The following ERCC6L2 variants were observed in gnomAD, a reference collection of about 807,000 sequenced individuals.
ERCC6L2 encodes ERCC excision repair 6 like 2.
In ERCC6L2, 77 loss-of-function variants were observed where a neutral mutation model predicts 132.0. That is an observed-to-expected ratio of 0.58 (90% CI 0.49 to 0.71). The LOEUF (loss-of-function observed/expected upper bound fraction) is 0.71. Among genes scored for constraint, ERCC6L2 ranks in the 30% least tolerant of loss-of-function variants. The pLI is 0.00. For synonymous variants in ERCC6L2, 583 were observed against 632.4 expected (o/e 0.92, Z 1.17); for missense variants, 1,542 against 1,837.6 (o/e 0.84, Z 2.94).
At chr9:95,923,026 T>A (rs1433195779) in intron 8 of ERCC6L2, among the ~76,000 whole-genome samples, 1 of 152,210 alleles carries the variant, frequency 6.6e-6, no homozygotes, top group Non-Finnish European at 1.5e-5. Context: ...TTTGGAAATC[T>A]TAAAAAATTG....
Position 95,979,618 on chromosome 9 carries a change from A to G in ERCC6L2, c.3492+1403A>G, listed in dbSNP as rs1832813058. ...AAGGCTATCCTTTCTAGCATTTTTCAGTGTAATCCATAGGCCCAGTGCCAG... is the reference window on the plus strand; with the variant it reads ...AAGGCTATCCTTTCTAGCATTTTTCGGTGTAATCCATAGGCCCAGTGCCAG... On this transcript the variant is annotated intron_variant, in intron 17 of 18. Transcript: ENST00000653738. Among the ~76,000 whole-genome samples the G allele has an allele frequency of 2.0e-5, 3 of 152,170 alleles. 1 individual carries two copies. Among genetic ancestry groups the G allele is most frequent in the Admixed American group, 2.0e-4 (3 of 15,270 alleles).
chr9:95,966,314 A>G (rs921515462), intron 13 of ERCC6L2, among the ~76,000 whole-genome samples: 1 of 152,226 alleles, frequency 6.6e-6, no homozygotes, highest in Non-Finnish European at 1.5e-5. Flanking sequence ...TAGAGATGTA[A>G]TCTTGACTCA....
intron 1 of ERCC6L2, among the ~76,000 whole-genome samples, chr9:95,878,702 T>C (rs1369210990): frequency 2.9e-5 from 4 of 135,872 alleles, no homozygotes; most frequent in Non-Finnish European, 4.6e-5. Context: ...TTCCCCTTCC[T>C]GTGTCCATGT....
At chr9:95,932,337 T>C (rs1360210655) in intron 11 of ERCC6L2, among the ~76,000 whole-genome samples, 1 of 152,180 alleles carries the variant, frequency 6.6e-6, no homozygotes, top group African/African-American at 2.4e-5. Context: ...GTGCTGGGAT[T>C]ATAGGTGTGA....
chr9:95,910,065 T>C (rs1829271854), intron 4 of ERCC6L2, among the ~76,000 whole-genome samples: 1 of 152,222 alleles, frequency 6.6e-6, no homozygotes, highest in Non-Finnish European at 1.5e-5. Context: ...GGATGTAGTG[T>C]TTATAAATAT....
At chr9:95,879,991 C>A (rs1023116163) in intron 1 of ERCC6L2, among the ~76,000 whole-genome samples, 3 of 152,090 alleles carry the variant, frequency 2.0e-5, no homozygotes, top group Admixed American at 2.0e-4. Context: ...TTTAATTGTA[C>A]CAATAGTATA....
At chr9:95,908,594 A>G (rs1829195390) in intron 4 of ERCC6L2, among the ~76,000 whole-genome samples, 1 of 152,178 alleles carries the variant, frequency 6.6e-6, no homozygotes. Context: ...GGACCATGGT[A>G]GTGAGGTCTG....
chr9:95,949,074 C>G (rs1043556913), intron 12 of ERCC6L2, among the ~76,000 whole-genome samples: 1 of 151,644 alleles, frequency 6.6e-6, no homozygotes, highest in African/African-American at 2.4e-5. Context: ...ATTCTGGACA[C>G]GAAATTCAAT....
chr9:95,915,921 C>T, intron 5 of ERCC6L2, 92 bp downstream of exon 5: 1 of 1,266,004 alleles, frequency 7.9e-7, no homozygotes, highest in South Asian at 1.5e-5. Context: ...ACAAACGAAA[C>T]AGTCATTTGT....
chr9:95,898,025 A>G (rs576628481), intron 3 of ERCC6L2, 54 bp downstream of exon 3: 4 of 1,451,248 alleles, frequency 2.8e-6, no homozygotes, highest in East Asian at 4.6e-5. Context: ...TTACAAAAGC[A>G]TATAGAAATA....
At position 95,963,868 on chromosome 9, in the gene ERCC6L2, C is replaced by G. The variant is rs147498665; in HGVS notation, c.1948-2694C>G. Among the ~76,000 whole-genome samples the G allele has an allele frequency of 1.1e-3, 165 of 152,270 alleles. 1 individual carries two copies. Among genetic ancestry groups the G allele is most frequent in the African/African-American group, 3.8e-3 (157 of 41,568 alleles). On this transcript the variant is annotated intron_variant, in intron 13 of 18. Coordinates refer to ENST00000653738, the MANE Select transcript of ERCC6L2 (RefSeq NM_020207.7). Reference sequence around the variant, plus strand: ...AATACCACAGACATGATACTGTGCTCTTCTCGTTGCATCAGTCAGAAGGCA... The same window carrying G: ...AATACCACAGACATGATACTGTGCTGTTCTCGTTGCATCAGTCAGAAGGCA...
intron 13 of ERCC6L2, among the ~76,000 whole-genome samples, chr9:95,962,228 A>T (rs970174151): frequency 6.9e-5 from 10 of 144,704 alleles, no homozygotes; most frequent in Non-Finnish European, 1.3e-4. Flanking sequence ...AAGCTTTTTT[A>T]AAAAATGCAT....
At chr9:95,895,470 A>G (rs1828403209) in intron 2 of ERCC6L2, among the ~76,000 whole-genome samples, 1 of 152,010 alleles carries the variant, frequency 6.6e-6, no homozygotes, top group Admixed American at 6.5e-5. Flanking sequence ...ATTTTTATTT[A>G]TTCCATGTCA....
chr9:95,903,074 G>A (rs1828857523), intron 3 of ERCC6L2, among the ~76,000 whole-genome samples: 1 of 151,920 alleles, frequency 6.6e-6, no homozygotes, highest in Admixed American at 6.6e-5. Flanking sequence ...ATTCATTCAT[G>A]GTTCTTTTAT....
intron 2 of ERCC6L2, among the ~76,000 whole-genome samples, chr9:95,895,896 T>C (rs6479007): frequency 0.043 from 6,538 of 152,096 alleles, 485 homozygotes; most frequent in African/African-American, 0.15. Flanking sequence ...CCGGCTAATT[T>C]TTTGTATTTT....
At chr9:95,894,230 G>T (rs1828323182) in intron 2 of ERCC6L2, among the ~76,000 whole-genome samples, 1 of 152,072 alleles carries the variant, frequency 6.6e-6, no homozygotes, top group African/African-American at 2.4e-5. Context: ...ATGGGTACTT[G>T]ATTTACAGTT....
chr9:95,907,826 T>TACACAC (rs373670619), intron 4 of ERCC6L2, among the ~76,000 whole-genome samples: 759 of 40,900 alleles, frequency 0.019, 8 homozygotes, highest in African/African-American at 0.048. Context: ...GGGCAAAAAC[T>TACACAC]ACACACACAC....
In ERCC6L2 at chr9:96,012,226, A is replaced by G. The variant is rs937497005; in HGVS notation, c.3676A>G (p.Lys1226Glu). The change falls in exon 19 of 19, where the codon AAA (lysine) becomes GAA (glutamate). Residue 1226 changes from lysine to glutamate, a missense_variant and splice_region_variant. Lys to Glu is a moderately conservative substitution (Grantham distance 56). This residue lies in a region of ERCC6L2 where 442 missense variants were observed against 583.4 expected (regional missense o/e 0.76). Coordinates refer to ENST00000653738, the MANE Select transcript of ERCC6L2 (RefSeq NM_020207.7). Reference sequence around the variant, plus strand: ...TAGTTTTGTTCATTTAATCTTTAGAAAACAATTTGAAGAAATGGCCTCTTA... The same window carrying G: ...TAGTTTTGTTCATTTAATCTTTAGAGAACAATTTGAAGAAATGGCCTCTTA... Reference protein sequence around the residue: ...IGETPKGIRRKQFEEMASYFN... With the variant: ...IGETPKGIRREQFEEMASYFN... 1 of 1,247,114 alleles carries G rather than the reference A, an allele frequency of 8.0e-7. No homozygotes were observed. Among genetic ancestry groups the G allele is most frequent in the African/African-American group, 1.6e-5 (1 of 63,778 alleles). 77.3% of individuals were successfully genotyped at this position (1,247,114 alleles called of 1,614,324 possible). A position where few individuals can be genotyped will look rare whatever the true frequency, so the allele number is the denominator to read the frequency against.
intron 4 of ERCC6L2, among the ~76,000 whole-genome samples, chr9:95,912,224 G>A (rs1268563678): frequency 6.6e-6 from 1 of 152,052 alleles, no homozygotes; most frequent in Non-Finnish European, 1.5e-5. Context: ...CAGCCATCTT[G>A]TCCATGTTCT....
Sources: allele counts gnomAD v4.1 joint callset (sites outside exome capture counted in the v4.1 genomes callset), GRCh38; gene constraint gnomAD v4.1.1; regional missense constraint gnomAD v4.1.1; transcripts MANE v1.5; gene names NCBI Gene and HGNC (gene_info 2026-07-23, HGNC 2026-07-21).